The following ZRANB3 variants were observed in gnomAD, a reference collection of about 807,000 sequenced individuals.
ZRANB3 encodes zinc finger RANBP2-type containing 3.
A neutral mutation model predicts 133.8 loss-of-function variants in ZRANB3; 125 were observed. The ratio of observed to expected loss-of-function variants is 0.93; its 90% CI spans 0.81 to 1.08. ZRANB3 has a LOEUF of 1.08. Ranked by LOEUF, ZRANB3 falls within the 50% of genes least tolerant of loss-of-function variation. The pLI is 0.00. For synonymous variants in ZRANB3, 387 were observed against 432.7 expected (o/e 0.89, Z 1.31); for missense variants, 1,229 against 1,275.5 (o/e 0.96, Z 0.56).
rs773360393 is a variant in ZRANB3 at position 135,230,632 on chromosome 2, T to C, written c.1835A>G (p.Lys612Arg). 6.2e-7 allele frequency: 1 copy of C among 1,613,552 alleles called. No homozygotes were observed. The highest frequency in any genetic ancestry group is 1.1e-5 in the South Asian group (1 of 90,928). The part of the protein sequence containing the change: ...TPLVESVQEA[K>R]AQLTTPAFPV... Reference sequence around the variant, plus strand: ...AAAGGCTGGGGTGGTTAACTGGGCCTTGGCCTCCTGTACACTTTCCACGAG... The same window carrying C: ...AAAGGCTGGGGTGGTTAACTGGGCCCTGGCCTCCTGTACACTTTCCACGAG... Residue 612 changes from lysine (K) to arginine (R), a missense_variant, in exon 13 of 21, where the codon AAG (lysine) becomes AGG (arginine). By Grantham distance (26) the Lys-to-Arg change is conservative (BLOSUM62 2). Coordinates refer to ENST00000264159, the MANE Select transcript of ZRANB3 (RefSeq NM_032143.4).
At chr2:135,244,569 T>C (rs547930686) in intron 12 of ZRANB3, among the ~76,000 whole-genome samples, 8 of 151,912 alleles carry the variant, frequency 5.3e-5, no homozygotes, top group South Asian at 2.1e-4. Context: ...GTTCGCACCA[T>C]TGCACTCCAG....
intron 2 of ZRANB3, among the ~76,000 whole-genome samples, chr2:135,415,899 A>T (rs549796765): frequency 4.3e-4 from 65 of 152,258 alleles, no homozygotes; most frequent in Admixed American, 1.8e-3. Context: ...CTTTGACAAA[A>T]TTCAACAACC....
chr2:135,373,590 C>A (rs1405630021), intron 3 of ZRANB3, among the ~76,000 whole-genome samples: 1 of 152,040 alleles, frequency 6.6e-6, no homozygotes, highest in Admixed American at 6.5e-5. Flanking sequence ...GAGTTCGAGA[C>A]AAGCCTGGCC....
chr2:135,497,675 A>G (rs1389892011), intron 2 of ZRANB3, among the ~76,000 whole-genome samples: 1 of 152,264 alleles, frequency 6.6e-6, no homozygotes, highest in Non-Finnish European at 1.5e-5. Flanking sequence ...TGACAAAAGT[A>G]ACATTACAAT....
chr2:135,351,718 A>G (rs1210709960), intron 4 of ZRANB3, among the ~76,000 whole-genome samples: 1 of 152,224 alleles, frequency 6.6e-6, no homozygotes, highest in African/African-American at 2.4e-5. Context: ...ACTTGTAAAC[A>G]GTCCAGGCAT....
At position 135,271,757 on chromosome 2, in the gene ZRANB3, A is replaced by G. The variant is rs1264220569; in HGVS notation, c.1206+11T>C. 1.2e-6 allele frequency: 2 copies of G among 1,602,584 alleles called. No homozygotes were observed. Among genetic ancestry groups the G allele is most frequent in the Admixed American group, 1.7e-5 (1 of 57,146 alleles). ...CATTTCATAACCAAATTTAGACTTG[A>G]AATTTCTTACCTGGCCAGCAGCCTG... On this transcript the variant is annotated intron_variant, in intron 10 of 20. Transcript: ENST00000264159.
At chr2:135,255,231 G>A (rs1434002945) in intron 12 of ZRANB3, among the ~76,000 whole-genome samples, 1 of 151,444 alleles carries the variant, frequency 6.6e-6, no homozygotes, top group East Asian at 1.9e-4. Flanking sequence ...TTAAAAACAG[G>A]CCAGTTTAGA....
intron 19 of ZRANB3, among the ~76,000 whole-genome samples, chr2:135,207,154 A>G (rs1693899716): frequency 6.6e-6 from 1 of 151,236 alleles, no homozygotes; most frequent in Non-Finnish European, 1.5e-5. Context: ...GACAAGGGCG[A>G]AACTCTGTCT....
chr2:135,306,284 ATT>A (rs146132259), intron 8 of ZRANB3, among the ~76,000 whole-genome samples: 2,667 of 123,900 alleles, frequency 0.022, 36 homozygotes, highest in African/African-American at 0.064. Flanking sequence ...CATCTGACTG[ATT>A]TTTTTTTTTT....
intron 2 of ZRANB3, among the ~76,000 whole-genome samples, chr2:135,391,888 T>C (rs578179450): frequency 6.6e-6 from 1 of 152,296 alleles, no homozygotes; most frequent in South Asian, 2.1e-4. Flanking sequence ...CGCTGAGTTT[T>C]TATTTCTATT....
Position 135,198,292 on chromosome 2 carries a change from A to G in ZRANB3, c.*2050T>C, listed in dbSNP as rs1693485509. On this transcript the variant is annotated 3_prime_UTR_variant, in exon 21 of 21. Transcript: ENST00000264159. ...GGTCTCGGTTATTAGATCAATCTCT[A>G]TCTTTATTTTCTGTCTCAGAACCCT... is the stretch of plus-strand genomic sequence containing the variant. 1 of 152,118 alleles carries G rather than the reference A, an allele frequency of 6.6e-6. No homozygotes were observed. The highest frequency in any genetic ancestry group is 2.4e-5 in the African/African-American group (1 of 41,410). 9.4% of individuals were successfully genotyped at this position (152,118 alleles called of 1,614,324 possible).
intron 2 of ZRANB3, among the ~76,000 whole-genome samples, chr2:135,495,871 T>C (rs1692638517): frequency 6.6e-6 from 1 of 152,164 alleles, no homozygotes; most frequent in African/African-American, 2.4e-5. Context: ...CCATATATTT[T>C]ATTAAATTAA....
At chr2:135,493,902 T>C (rs1692530954) in intron 2 of ZRANB3, among the ~76,000 whole-genome samples, 1 of 152,044 alleles carries the variant, frequency 6.6e-6, no homozygotes, top group East Asian at 1.9e-4. Context: ...AACAAAATAA[T>C]TGTGACATAT....
intron 2 of ZRANB3, among the ~76,000 whole-genome samples, chr2:135,474,647 C>T (rs1691425192): frequency 6.6e-6 from 1 of 152,174 alleles, no homozygotes; most frequent in South Asian, 2.1e-4. Context: ...TGGTATCATG[C>T]TAGTACAGCC....
chr2:135,499,972 A>C (rs571674203), intron 2 of ZRANB3, among the ~76,000 whole-genome samples: 76 of 152,282 alleles, frequency 5.0e-4, no homozygotes, highest in African/African-American at 1.8e-3. Context: ...AAAAAAGGCA[A>C]ATTTGGACCC....
chr2:135,287,776 T>A (rs1188005536), intron 8 of ZRANB3, among the ~76,000 whole-genome samples: 13 of 151,626 alleles, frequency 8.6e-5, no homozygotes, highest in Admixed American at 7.2e-4. Flanking sequence ...TTTGTGTACA[T>A]CGATTTTGTA....
chr2:135,486,660 G>T (rs1371368836), intron 2 of ZRANB3, among the ~76,000 whole-genome samples: 1 of 152,078 alleles, frequency 6.6e-6, no homozygotes, highest in East Asian at 1.9e-4. Flanking sequence ...ATTACAGGTG[G>T]TTGCCAGCAT....
chr2:135,482,193 A>G (rs1028312535), intron 2 of ZRANB3, among the ~76,000 whole-genome samples: 3 of 140,264 alleles, frequency 2.1e-5, no homozygotes, highest in Admixed American at 2.1e-4. Context: ...TTGAATCTGT[A>G]AATTACCTTG....
intron 5 of ZRANB3, among the ~76,000 whole-genome samples, chr2:135,346,289 A>G (rs553808639): frequency 1.3e-5 from 2 of 151,910 alleles, no homozygotes; most frequent in East Asian, 3.9e-4. Context: ...TTTAGTAGAG[A>G]CGGGGTTTCA....
Sources: allele counts gnomAD v4.1 joint callset (sites outside exome capture counted in the v4.1 genomes callset), GRCh38; gene constraint gnomAD v4.1.1; transcripts MANE v1.5; gene names NCBI Gene and HGNC (gene_info 2026-07-23, HGNC 2026-07-21).